Variants in ITGAL observed in about 807,000 individuals in gnomAD.
ITGAL encodes integrin subunit alpha L.
ITGAL carries 68 observed loss-of-function variants against 138.4 expected under a neutral mutation model. That is an observed-to-expected ratio of 0.49 (90% CI 0.40 to 0.60). The LOEUF (loss-of-function observed/expected upper bound fraction) is 0.60. ITGAL is among the 20% of genes least tolerant of loss of function. The pLI, the probability that ITGAL is intolerant of heterozygous loss-of-function variation, is 0.00. For synonymous variants in ITGAL, 561 were observed against 584.3 expected (o/e 0.96, Z 0.57); for missense variants, 1,256 against 1,478.6 (o/e 0.85, Z 2.47).
At chr16:30,499,733 A>AT (rs1193634387) in intron 17 of ITGAL, among the ~76,000 whole-genome samples, 2,147 of 88,370 alleles carry the variant, frequency 0.024, 128 homozygotes, top group African/African-American at 0.069. Context: ...ATATATATAT[A>AT]TTTTTTTTTT....
chr16:30,492,834 G>A (rs1037501855), intron 11 of ITGAL, among the ~76,000 whole-genome samples: 5 of 151,974 alleles, frequency 3.3e-5, no homozygotes, highest in African/African-American at 7.3e-5. Context: ...GTGAGCCACC[G>A]CGCCCGGCAA....
intron 6 of ITGAL, among the ~76,000 whole-genome samples, chr16:30,479,716 A>G (rs1011139303): frequency 2.2e-5 from 3 of 137,574 alleles, no homozygotes; most frequent in African/African-American, 8.6e-5. Context: ...GCTGGAGTGC[A>G]ATGGCACAAT....
At chr16:30,490,967 C>T (rs1474505670) in intron 11 of ITGAL, among the ~76,000 whole-genome samples, 1 of 138,486 alleles carries the variant, frequency 7.2e-6, no homozygotes, top group African/African-American at 2.7e-5. Context: ...GAGACTTTGT[C>T]TCAAAAAAAA....
intron 25 of ITGAL, 36 bp from the exon 26 acceptor site, chr16:30,516,937 C>A: frequency 6.9e-7 from 1 of 1,448,422 alleles, no homozygotes; most frequent in Non-Finnish European, 9.7e-7. Context: ...GGGTGGCTGG[C>A]ATTCAGGGCT....
In ITGAL at chr16:30,489,300, G is replaced by T. The variant is rs2050692200; in HGVS notation, c.1127G>T (p.Gly376Val). 6.2e-7 allele frequency: 1 copy of T among 1,613,506 alleles called. No individual in the cohort carries two copies. Among genetic ancestry groups the T allele is most frequent in the African/African-American group, 1.3e-5 (1 of 74,904 alleles). The change falls in exon 11 of 31, where the codon GGC becomes GTC. Residue 376 changes from glycine to valine, a missense_variant. Physicochemically the swap from Gly to Val is moderately radical, Grantham distance 109. Transcript: ENST00000356798. ...GAVGAKDWAGGFLDLKADLQD... is the reference protein window; with the variant it reads ...GAVGAKDWAGVFLDLKADLQD... ...GTAGGAGCCAAGGACTGGGCTGGGG[G>T]CTTTCTTGACCTGAAGGCAGACCTG...
chr16:30,478,421 G>T (rs531511992), intron 4 of ITGAL, among the ~76,000 whole-genome samples: 2 of 151,674 alleles, frequency 1.3e-5, no homozygotes, highest in South Asian at 4.2e-4. Flanking sequence ...AGGCATGGCC[G>T]GGCGCGGTGG....
At chr16:30,473,553 C>T (rs1462061838) in intron 1 of ITGAL, among the ~76,000 whole-genome samples, 1 of 152,236 alleles carries the variant, frequency 6.6e-6, no homozygotes, top group African/African-American at 2.4e-5. Flanking sequence ...TCCAGCCCCA[C>T]ACCCTTCATC....
At chr16:30,493,245 CATTTTATTTT>C (rs58908720) in intron 11 of ITGAL, among the ~76,000 whole-genome samples, 27 of 139,826 alleles carry the variant, frequency 1.9e-4, no homozygotes, top group Admixed American at 1.1e-3. Flanking sequence ...TAATATATAC[CATTTTATTTT>C]ATTTTATTTT....
At chr16:30,484,644 C>A (rs183477969) in intron 9 of ITGAL, among the ~76,000 whole-genome samples, 2 of 151,350 alleles carry the variant, frequency 1.3e-5, no homozygotes, top group Non-Finnish European at 2.9e-5. Flanking sequence ...AATGGCCGGA[C>A]GCGGTGGCTC....
intron 21 of ITGAL, among the ~76,000 whole-genome samples, chr16:30,508,618 C>G (rs1449394502): frequency 6.6e-6 from 1 of 152,162 alleles, no homozygotes; most frequent in South Asian, 2.1e-4. Flanking sequence ...TGCTTAAGCC[C>G]GAGAGTTCGA....
chr16:30,484,415 C>A (rs2050609781), intron 9 of ITGAL, 152 bp downstream of exon 9: 1 of 681,510 alleles, frequency 1.5e-6, no homozygotes, highest in Non-Finnish European at 2.4e-6. Flanking sequence ...TTGAGACCAG[C>A]CTGGGCAACA....
Position 30,485,442 on chromosome 16 carries a change from A to G in ITGAL, c.1006+1179A>G, listed in dbSNP as rs111567107. On this transcript the variant is annotated intron_variant, in intron 9 of 30. Coordinates refer to ENST00000356798, the MANE Select transcript of ITGAL (RefSeq NM_002209.3). ...GGGTTTCATCGTGTTAGCCAGGATG[A>G]TCTCGATCTGACCTCGTGACCTGCC... 5.7e-3 allele frequency among the ~76,000 whole-genome samples: 873 copies of G among 151,944 alleles called. 10 individuals are homozygous for G. Among genetic ancestry groups the G allele is most frequent in the African/African-American group, 0.019 (785 of 41,448 alleles).
chr16:30,501,979 G>A (rs2050906675), intron 17 of ITGAL, among the ~76,000 whole-genome samples: 1 of 152,144 alleles, frequency 6.6e-6, no homozygotes, highest in African/African-American at 2.4e-5. Flanking sequence ...GTTGCAATGA[G>A]CTGTGATTGT....
intron 4 of ITGAL, 71 bp downstream of exon 4, chr16:30,475,651 G>A: frequency 8.6e-7 from 1 of 1,162,034 alleles, no homozygotes; most frequent in Non-Finnish European, 1.3e-6. Context: ...AAGAAAAGAA[G>A]AAGAATGTGG....
intron 29 of ITGAL, among the ~76,000 whole-genome samples, chr16:30,519,288 TG>T (rs1302508171): frequency 6.6e-6 from 1 of 151,422 alleles, no homozygotes; most frequent in East Asian, 1.9e-4. Flanking sequence ...GAGGCTGAGA[TG>T]GGAGGATCGT....
At chr16:30,482,835 T>C (rs2050579637) in intron 7 of ITGAL, among the ~76,000 whole-genome samples, 1 of 150,530 alleles carries the variant, frequency 6.6e-6, no homozygotes, top group Non-Finnish European at 1.5e-5. Flanking sequence ...TTCTTTTTCT[T>C]TTTTTTTTAG....
chr16:30,520,066 AAGAGCCAGGGGGCCTC>A (rs1246405374), intron 30 of ITGAL, 99 bp downstream of exon 30: 10 of 874,890 alleles, frequency 1.1e-5, no homozygotes, highest in Admixed American at 3.8e-5. Flanking sequence ...CAGAGGGCAT[AAGAGCCAGGGGGCCTC>A]AGAGCCAGGG....
rs956457555 is a variant in ITGAL, at chr16:30,497,478, CT to C, written c.1832+923del. 1.4e-3 allele frequency among the ~76,000 whole-genome samples: 206 copies of C among 146,940 alleles called. 1 individual carries two copies. The highest frequency in any genetic ancestry group is 3.4e-3 in the East Asian group (17 of 5,004). On this transcript the variant is annotated intron_variant, in intron 15 of 30. Coordinates refer to ENST00000356798, the MANE Select transcript of ITGAL (RefSeq NM_002209.3). ...GCAACACAGTGGGACACCATCTGTACTTTTTTTTTTTCTTTTGAGAGAGAGT... is the reference window on the plus strand; with the variant it reads ...GCAACACAGTGGGACACCATCTGTACTTTTTTTTTTCTTTTGAGAGAGAGT...
intron 15 of ITGAL, among the ~76,000 whole-genome samples, chr16:30,497,236 G>T (rs1188664592): frequency 1.3e-5 from 2 of 151,694 alleles, no homozygotes; most frequent in South Asian, 4.2e-4. Flanking sequence ...GCAGCTACTC[G>T]GGAGGCTGAG....
Sources: gnomAD v4.1 joint callset for allele counts (sites outside exome capture counted in the v4.1 genomes callset) on GRCh38, gnomAD v4.1.1 for gene constraint, MANE v1.5 for transcripts, NCBI Gene and HGNC (gene_info 2026-07-23, HGNC 2026-07-21) for gene names.